Variants in NOCT observed in about 807,000 individuals in gnomAD.
NOCT encodes nocturnin.
Under a neutral mutation model 35.0 loss-of-function variants are expected in NOCT, and 18 were observed. That is an observed-to-expected ratio of 0.51 (90% CI 0.36 to 0.76). The LOEUF (loss-of-function observed/expected upper bound fraction) is 0.76, where lower values mean the gene tolerates loss of function less well. NOCT is among the 30% of genes least tolerant of loss of function. The probability of loss-of-function intolerance (pLI) is 0.01; values close to 1 mark genes in which losing one functional copy is unlikely to be tolerated. For missense variants in NOCT, 479 were observed against 541.0 expected, an observed-to-expected ratio of 0.89 and a Z score of 1.14; for synonymous variants, 235 against 226.3, an observed-to-expected ratio of 1.04 and a Z score of -0.34.
chr4:139,043,069 C>T lies in NOCT; in HGVS notation c.191-5C>T, dbSNP rs201942840. 1.8e-5 allele frequency: 28 copies of T among 1,586,606 alleles called. No homozygotes were observed. The highest frequency in any genetic ancestry group is 1.7e-4 in the Middle Eastern group (1 of 5,976). ...AGTGTGTAACTGTGATTTCCTTTTC[C>T]GTAGTGTGTTCCATGGGAACCGGTA... On this transcript the variant is annotated splice_region_variant and splice_polypyrimidine_tract_variant and intron_variant, in intron 1 of 2. Coordinates refer to ENST00000280614, the MANE Select transcript of NOCT (RefSeq NM_012118.4).
At chr4:139,037,810 C>A (rs1324710810) in intron 1 of NOCT, among the ~76,000 whole-genome samples, 1 of 151,900 alleles carries the variant, frequency 6.6e-6, no homozygotes, top group Admixed American at 6.6e-5. Flanking sequence ...ATGGCTTGAT[C>A]CCAGGAGTTT....
chr4:139,021,657 A>G (rs547371913), intron 1 of NOCT, among the ~76,000 whole-genome samples: 1 of 152,342 alleles, frequency 6.6e-6, no homozygotes, highest in East Asian at 1.9e-4. Flanking sequence ...GATGTTTACT[A>G]AAAGAAAAGT....
Position 139,015,987 on chromosome 4 carries a change from T to C in NOCT, c.6T>C (p.Phe2=). 2 of 1,372,872 alleles carry C rather than the reference T, an allele frequency of 1.5e-6. No homozygotes were observed. Among genetic ancestry groups the C allele is most frequent in the Non-Finnish European group, 1.9e-6 (2 of 1,066,114 alleles). The allele number at this position is 1,372,872 out of a possible 1,614,324, so 85.0% of individuals were successfully genotyped here. A position where few individuals can be genotyped will look rare whatever the true frequency, so the allele number is the denominator to read the frequency against. M[F]HSPRRLCSAL... ...TGGTGGCGGCGGCGCCCGGCATGTT[T>C]CATAGTCCGCGGCGGCTCTGCTCGG... Residue 2 remains phenylalanine (F), a synonymous_variant, in exon 1 of 3, where the codon TTT becomes TTC. Coordinates refer to ENST00000280614, the MANE Select transcript of NOCT (RefSeq NM_012118.4).
chr4:139,037,146 G>T (rs1726750231), intron 1 of NOCT, among the ~76,000 whole-genome samples: 1 of 152,158 alleles, frequency 6.6e-6, no homozygotes, highest in African/African-American at 2.4e-5. Context: ...GAATATCTTT[G>T]GGTTTCCTGT....
At chr4:139,034,490 A>G (rs1394515524) in intron 1 of NOCT, among the ~76,000 whole-genome samples, 2 of 152,144 alleles carry the variant, frequency 1.3e-5, no homozygotes, top group South Asian at 2.1e-4. Context: ...GCACTGTGCT[A>G]TAAGTATAAA....
Position 139,035,844 on chromosome 4 carries a change from G to GT in NOCT, c.191-7227dup, listed in dbSNP as rs542892668. On this transcript the variant is annotated intron_variant, in intron 1 of 2. Coordinates refer to ENST00000280614, the MANE Select transcript of NOCT (RefSeq NM_012118.4). ...TGTTCACACCACCATAATCCCCTCT[G>GT]TTTATCAAGCTTGCCACGCATGTTC... is the stretch of plus-strand genomic sequence containing the variant. 7.9e-5 allele frequency among the ~76,000 whole-genome samples: 12 copies of GT among 152,134 alleles called. No individual in the cohort carries two copies. In the East Asian group the frequency reaches 1.9e-3, roughly 25 times the overall value.
chr4:139,036,672 AT>A (rs1034302938), intron 1 of NOCT, among the ~76,000 whole-genome samples: 4 of 152,190 alleles, frequency 2.6e-5, no homozygotes, highest in African/African-American at 9.6e-5. Flanking sequence ...ATACTTGCCA[AT>A]TTTTTTAGGG....
chr4:139,039,057 T>C (rs1242565347), intron 1 of NOCT, among the ~76,000 whole-genome samples: 1 of 151,128 alleles, frequency 6.6e-6, no homozygotes, highest in African/African-American at 2.4e-5. Context: ...TCTTAGCTTG[T>C]TGGGTGTGGT....
At chr4:139,025,760 C>T (rs1726501251) in intron 1 of NOCT, among the ~76,000 whole-genome samples, 1 of 150,406 alleles carries the variant, frequency 6.6e-6, no homozygotes, top group African/African-American at 2.5e-5. Flanking sequence ...GCCGAGATGG[C>T]GCCATTGCAC....
Position 139,045,509 on chromosome 4 carries a change from A to ATTTTTTTTT in NOCT, c.*52_*60dup, listed in dbSNP as rs546346607. 3.5e-4 allele frequency: 133 copies of ATTTTTTTTT among 379,706 alleles called. 24 individuals carry two copies. Among genetic ancestry groups the ATTTTTTTTT allele is most frequent in the Admixed American group, 8.8e-4 (13 of 14,698 alleles). The allele number at this position is 379,706 out of a possible 1,614,324, so 23.5% of individuals were successfully genotyped here. ...TTTGTCTTTTTAATCACAGGAGTCT[A>ATTTTTTTTT]TTTTTTTTTTTTTTTTTTTTTTTTT... On this transcript the variant is annotated 3_prime_UTR_variant, in exon 3 of 3. Transcript: ENST00000280614.
chr4:139,034,469 A>C (rs1726692991), intron 1 of NOCT, among the ~76,000 whole-genome samples: 1 of 152,162 alleles, frequency 6.6e-6, no homozygotes, highest in Admixed American at 6.6e-5. Context: ...GGTGGTTCTT[A>C]GTAAGCCTTG....
At chr4:139,037,381 T>G (rs1726754930) in intron 1 of NOCT, among the ~76,000 whole-genome samples, 1 of 152,248 alleles carries the variant, frequency 6.6e-6, no homozygotes, top group African/African-American at 2.4e-5. Context: ...TTATTCATTG[T>G]TTTTCAAATA....
chr4:139,031,983 G>T (rs551711128), intron 1 of NOCT, among the ~76,000 whole-genome samples: 1 of 152,174 alleles, frequency 6.6e-6, no homozygotes, highest in African/African-American at 2.4e-5. Context: ...AAAGTGCTGG[G>T]ATTACAGGGG....
chr4:139,022,472 G>A (rs913840678), intron 1 of NOCT, among the ~76,000 whole-genome samples: 1 of 152,132 alleles, frequency 6.6e-6, no homozygotes, highest in Non-Finnish European at 1.5e-5. Flanking sequence ...AAATGCGTGG[G>A]TCCCATTCAG....
intron 1 of NOCT, among the ~76,000 whole-genome samples, chr4:139,040,133 C>T (rs1413042823): frequency 2.7e-5 from 4 of 150,636 alleles, no homozygotes; most frequent in East Asian, 2.0e-4. Flanking sequence ...CTCCGCCTCC[C>T]GGGAGCCTCC....
intron 1 of NOCT, among the ~76,000 whole-genome samples, chr4:139,016,495 G>A (rs1726306387): frequency 6.6e-6 from 1 of 151,222 alleles, no homozygotes; most frequent in South Asian, 2.1e-4. Context: ...TACTATGTTG[G>A]TTACATTTTT....
chr4:139,032,037 T>C (rs769050590), intron 1 of NOCT, among the ~76,000 whole-genome samples: 15 of 152,138 alleles, frequency 9.9e-5, no homozygotes, highest in Non-Finnish European at 1.9e-4. Context: ...TTTAGGAAAG[T>C]AAAGGTATTG....
chr4:139,025,448 C>A (rs186288109), intron 1 of NOCT, among the ~76,000 whole-genome samples: 2 of 152,290 alleles, frequency 1.3e-5, no homozygotes, highest in East Asian at 3.9e-4. Flanking sequence ...TGGAATTCCT[C>A]CAAATATTTG....
intron 1 of NOCT, among the ~76,000 whole-genome samples, chr4:139,040,455 CTT>C (rs1275824828): frequency 6.6e-6 from 1 of 152,134 alleles, no homozygotes; most frequent in African/African-American, 2.4e-5. Context: ...TCTTTATTCT[CTT>C]CATGTGAAAT....
Sources: gnomAD v4.1 joint callset for allele counts (sites outside exome capture counted in the v4.1 genomes callset) on GRCh38, gnomAD v4.1.1 for gene constraint, MANE v1.5 for transcripts, NCBI Gene and HGNC (gene_info 2026-07-23, HGNC 2026-07-21) for gene names.